IL1RAPL2: variants seen among roughly 807,000 people sequenced by gnomAD.
The protein encoded by IL1RAPL2 is interleukin 1 receptor accessory protein like 2.
In IL1RAPL2, 3 loss-of-function variants were observed where a neutral mutation model predicts 44.1. The ratio of observed to expected loss-of-function variants is 0.07; its 90% CI spans 0.03 to 0.18. The LOEUF is 0.18. Ranked by LOEUF, IL1RAPL2 falls within the 10% of genes least tolerant of loss-of-function variation. The probability of loss-of-function intolerance (pLI) is 1.00; values close to 1 mark genes in which losing one functional copy is unlikely to be tolerated. For missense variants in IL1RAPL2, 391 were observed against 496.4 expected, an observed-to-expected ratio of 0.79 and a Z score of 2.02; for synonymous variants, 181 against 178.8, an observed-to-expected ratio of 1.01 and a Z score of -0.10.
intron 5 of IL1RAPL2, among the ~76,000 whole-genome samples, chrX:105,271,243 C>A (rs1361522946): frequency 2.7e-5 from 3 of 111,719 alleles, no homozygotes; most frequent in Non-Finnish European, 5.6e-5. Context: ...TAAATCGTAG[C>A]AGACTTTTGT....
At chrX:105,350,521 C>A (rs1355442603) in intron 5 of IL1RAPL2, among the ~76,000 whole-genome samples, 1 of 111,973 alleles carries the variant, frequency 8.9e-6, no homozygotes, top group Non-Finnish European at 1.9e-5. Context: ...GTTGGAAGTT[C>A]AAGAGCAGCC....
chrX:105,527,892 A>C (rs1366443052), intron 6 of IL1RAPL2, among the ~76,000 whole-genome samples: 1 of 111,586 alleles, frequency 9.0e-6, no homozygotes, highest in Non-Finnish European at 1.9e-5. Context: ...TTGATTTAAC[A>C]AGAACTCCTA....
intron 2 of IL1RAPL2, among the ~76,000 whole-genome samples, chrX:104,741,247 CTG>C (rs1380950165): frequency 1.8e-5 from 2 of 111,148 alleles, no homozygotes; most frequent in Non-Finnish European, 1.9e-5. Context: ...GTTTATAAAT[CTG>C]TAATTGACAG....
At chrX:105,725,204 T>G (rs1302262605) in intron 7 of IL1RAPL2, among the ~76,000 whole-genome samples, 32 of 111,810 alleles carry the variant, frequency 2.9e-4, no homozygotes. Flanking sequence ...AATCTCACTT[T>G]ACAAATCGCC....
chrX:105,320,386 A>G (rs1040926120), intron 5 of IL1RAPL2, among the ~76,000 whole-genome samples: 6 of 111,747 alleles, frequency 5.4e-5, no homozygotes, highest in African/African-American at 2.0e-4. Context: ...TAGGGGCAAT[A>G]AGGAGAAGAA....
chrX:105,286,563 GA>G (rs1449121750), intron 5 of IL1RAPL2, among the ~76,000 whole-genome samples: 1 of 104,556 alleles, frequency 9.6e-6, no homozygotes, highest in Non-Finnish European at 1.9e-5. Flanking sequence ...CTGAAGAGCA[GA>G]AAAAACTTAA....
intron 6 of IL1RAPL2, among the ~76,000 whole-genome samples, chrX:105,573,596 G>T (rs1396131650): frequency 9.0e-6 from 1 of 110,997 alleles, no homozygotes; most frequent in African/African-American, 3.3e-5. Flanking sequence ...TAGGGAAGGG[G>T]AGGAGTGTGA....
intron 2 of IL1RAPL2, among the ~76,000 whole-genome samples, chrX:104,672,118 T>A (rs948534670): frequency 3.6e-5 from 4 of 111,334 alleles, no homozygotes; most frequent in African/African-American, 1.3e-4. Context: ...TTTTTTATAC[T>A]TTAAGTTTTA....
chrX:105,430,027 T>C (rs1667974788), intron 5 of IL1RAPL2, among the ~76,000 whole-genome samples: 1 of 111,468 alleles, frequency 9.0e-6, no homozygotes, highest in African/African-American at 3.3e-5. Flanking sequence ...TTTTGAGCTG[T>C]CTACACAAAA....
intron 2 of IL1RAPL2, among the ~76,000 whole-genome samples, chrX:105,054,908 A>G (rs1004606347): frequency 8.9e-6 from 1 of 112,618 alleles, no homozygotes; most frequent in African/African-American, 3.2e-5. Flanking sequence ...ACATTTGTAA[A>G]CAAATATTTA....
At chrX:105,114,273 C>T (rs1456353153) in intron 2 of IL1RAPL2, among the ~76,000 whole-genome samples, 3 of 111,965 alleles carry the variant, frequency 2.7e-5, no homozygotes, top group Non-Finnish European at 5.6e-5. Context: ...AATGAATCTG[C>T]TGGCACCTTG....
chrX:105,251,512 A>G (rs750595317), intron 4 of IL1RAPL2, among the ~76,000 whole-genome samples: 1 of 110,537 alleles, frequency 9.0e-6, no homozygotes, highest in African/African-American at 3.3e-5. Flanking sequence ...AACCATAGTC[A>G]GCAATACAAA....
intron 2 of IL1RAPL2, among the ~76,000 whole-genome samples, chrX:105,185,542 C>T (rs1197495405): frequency 9.0e-6 from 1 of 111,618 alleles, no homozygotes; most frequent in Non-Finnish European, 1.9e-5. Context: ...TTAGCACCTT[C>T]ATTTCTTTAA....
chrX:105,007,912 G>A (rs749644309), intron 2 of IL1RAPL2, among the ~76,000 whole-genome samples: 2 of 114,709 alleles, frequency 1.7e-5, no homozygotes, highest in Non-Finnish European at 3.7e-5. Context: ...AACTACAAAG[G>A]CAAAGTAGAA....
intron 9 of IL1RAPL2, among the ~76,000 whole-genome samples, chrX:105,750,958 G>A (rs1215992833): frequency 9.0e-6 from 1 of 111,066 alleles, no homozygotes; most frequent in Non-Finnish European, 1.9e-5. Context: ...GAAGGTAAAA[G>A]ATGTATTATC....
chrX:105,089,884 G>A (rs1244663519), intron 2 of IL1RAPL2, among the ~76,000 whole-genome samples: 2 of 111,763 alleles, frequency 1.8e-5, no homozygotes, highest in Non-Finnish European at 3.8e-5. Context: ...TGCCTACATA[G>A]TTTTAGGAAA....
At chrX:104,848,409 GTATATATATATATATATATATATA>G (rs35503754) in intron 2 of IL1RAPL2, among the ~76,000 whole-genome samples, 7 of 64,904 alleles carry the variant, frequency 1.1e-4, no homozygotes, top group African/African-American at 1.9e-4. Context: ...ATTTTTATCT[GTATATATATATATATATATATATA>G]TATATATATA....
intron 5 of IL1RAPL2, among the ~76,000 whole-genome samples, chrX:105,370,864 T>C (rs1313448931): frequency 1.8e-5 from 2 of 112,030 alleles, no homozygotes; most frequent in Non-Finnish European, 3.8e-5. Context: ...ACCAGCAGAG[T>C]ATAAGTGTTC....
intron 2 of IL1RAPL2, among the ~76,000 whole-genome samples, chrX:104,661,873 G>T (rs1023891213): frequency 2.7e-5 from 3 of 111,412 alleles, no homozygotes; most frequent in African/African-American, 9.8e-5. Context: ...CTCAAGTCAA[G>T]AAATGAAAAA....
Sources: allele counts gnomAD v4.1 joint callset (sites outside exome capture counted in the v4.1 genomes callset), GRCh38; gene constraint gnomAD v4.1.1; transcripts MANE v1.5; gene names NCBI Gene and HGNC (gene_info 2026-07-23, HGNC 2026-07-21).